The following SFXN1 variants were observed in gnomAD, a reference collection of about 807,000 sequenced individuals.
SFXN1 encodes sideroflexin-1.
Under a neutral mutation model 39.5 loss-of-function variants are expected in SFXN1, and 32 were observed. The ratio of observed to expected loss-of-function variants is 0.81; its 90% CI spans 0.61 to 1.09. The LOEUF is 1.09. Ranked by LOEUF, SFXN1 falls within the 50% of genes least tolerant of loss-of-function variation. The pLI is 0.00. For missense variants in SFXN1, 402 were observed against 407.1 expected (o/e 0.99, Z 0.11); for synonymous variants, 136 against 146.5 (o/e 0.93, Z 0.52).
At chr5:175,487,884 C>G (rs1759507815) in intron 1 of SFXN1, among the ~76,000 whole-genome samples, 4 of 152,152 alleles carry the variant, frequency 2.6e-5, no homozygotes, top group Admixed American at 1.3e-4. Flanking sequence ...TTTTCTTTCT[C>G]TCACATCCCA....
At chr5:175,500,005 A>G (rs1205697003) in intron 2 of SFXN1, among the ~76,000 whole-genome samples, 5 of 152,300 alleles carry the variant, frequency 3.3e-5, no homozygotes, top group South Asian at 4.1e-4. Flanking sequence ...CCTGGCCAAC[A>G]TGGTGAAACC....
chr5:175,529,338 C>CAA lies in SFXN1; in HGVS notation c.*2617_*2618dup, dbSNP rs1166870226. The CAA allele has an allele frequency of 1.7e-4, 20 of 117,078 alleles. No individual in the cohort carries two copies. The highest frequency in any genetic ancestry group is 3.9e-4 in the African/African-American group (13 of 33,256). The allele number at this position is 117,078 out of a possible 1,614,324, so 7.3% of individuals were successfully genotyped here. ...GGGCAACAAGAGCGAAACTCCATCT[C>CAA]AAAAAAAAAAAAAAGAGATTATAAA... On this transcript the variant is annotated 3_prime_UTR_variant, in exon 11 of 11. Transcript: ENST00000321442.
Position 175,510,107 on chromosome 5 carries a change from A to T in SFXN1, c.336-2A>T. On this transcript the variant is annotated splice_acceptor_variant, in intron 3 of 10. Transcript: ENST00000321442. LOFTEE classifies it high-confidence loss of function. ...GGTATGTGACGGATGCCTCTGTTTT[A>T]GGACTACGCCGGCTGTGCTGTTCTG... 1 of 1,609,344 alleles carries T rather than the reference A, an allele frequency of 6.2e-7. No individual in the cohort carries two copies. Among genetic ancestry groups the T allele is most frequent in the African/African-American group, 1.3e-5 (1 of 74,952 alleles).
At chr5:175,484,577 C>T (rs1383773936) in intron 1 of SFXN1, among the ~76,000 whole-genome samples, 1 of 152,254 alleles carries the variant, frequency 6.6e-6, no homozygotes, top group African/African-American at 2.4e-5. Flanking sequence ...TGGGGATCCC[C>T]ACATAGCGGC....
chr5:175,482,633 T>C (rs1759293368), intron 1 of SFXN1, among the ~76,000 whole-genome samples: 1 of 152,150 alleles, frequency 6.6e-6, no homozygotes, highest in Non-Finnish European at 1.5e-5. Context: ...CCCACTTTTG[T>C]TTGGTAACTT....
intron 4 of SFXN1, among the ~76,000 whole-genome samples, chr5:175,510,648 G>A (rs1353875518): frequency 6.6e-6 from 1 of 152,104 alleles, no homozygotes; most frequent in Non-Finnish European, 1.5e-5. Flanking sequence ...ATGGCGGTGT[G>A]AACTTTATAT....
rs529969515 is a variant in SFXN1, at chr5:175,486,126, A to G, written c.-9-5969A>G. Among the ~76,000 whole-genome samples the G allele has an allele frequency of 4.6e-5, 7 of 151,976 alleles. No individual in the cohort carries two copies. The South Asian group carries it at 1.0e-3, about 23-fold the overall frequency. ...ATCACTTGTACTTAGAGTAACCTTA[A>G]GGTTATTGTAGTATAGAACTTCATA... On this transcript the variant is annotated intron_variant, in intron 1 of 10. Transcript: ENST00000321442.
chr5:175,485,045 T>C (rs1759399518), intron 1 of SFXN1, among the ~76,000 whole-genome samples: 1 of 152,220 alleles, frequency 6.6e-6, no homozygotes, highest in Admixed American at 6.5e-5. Flanking sequence ...CGGTTAATAA[T>C]TAAAATGTTA....
intron 5 of SFXN1, 183 bp downstream of exon 5, chr5:175,511,709 C>T (rs777546893): frequency 4.9e-6 from 3 of 608,990 alleles, no homozygotes; most frequent in Non-Finnish European, 8.6e-6. Flanking sequence ...TCACCAGTAA[C>T]ACCTACCAGG....
chr5:175,509,794 A>G (rs1409402085), intron 3 of SFXN1, among the ~76,000 whole-genome samples: 1 of 152,174 alleles, frequency 6.6e-6, no homozygotes, highest in African/African-American at 2.4e-5. Context: ...TACAAATTGT[A>G]TCTTTTTTCC....
rs1160686226 is a variant in SFXN1 at position 175,522,391 on chromosome 5, C to T, written c.841C>T (p.Pro281Ser). 1.9e-6 allele frequency: 3 copies of T among 1,609,864 alleles called. No individual in the cohort carries two copies. The highest frequency in any genetic ancestry group is 2.5e-6 in the Non-Finnish European group (3 of 1,179,114). Residue 281 changes from proline (P) to serine (S), a missense_variant, in exon 10 of 11, where the codon CCC becomes TCC. Pro to Ser is a moderately conservative substitution (Grantham distance 74, BLOSUM62 -1). Coordinates refer to ENST00000321442, the MANE Select transcript of SFXN1 (RefSeq NM_022754.7). ...LVGFCLVFATPLCCALFPQKS... is the reference protein window; with the variant it reads ...LVGFCLVFATSLCCALFPQKS... Reference sequence around the variant, plus strand: ...TTTTTTAAGTTTGGTGTTTGCTACACCCCTGTGTTGTGCCCTGTTTCCTCA... The same window carrying T: ...TTTTTTAAGTTTGGTGTTTGCTACATCCCTGTGTTGTGCCCTGTTTCCTCA...
intron 7 of SFXN1, among the ~76,000 whole-genome samples, chr5:175,514,353 A>G (rs1031494947): frequency 6.6e-6 from 1 of 152,170 alleles, no homozygotes; most frequent in African/African-American, 2.4e-5. Flanking sequence ...ATGACCAAAA[A>G]TAGAAAGTCT....
intron 2 of SFXN1, among the ~76,000 whole-genome samples, chr5:175,494,613 G>A (rs1419917566): frequency 2.0e-5 from 3 of 152,012 alleles, no homozygotes; most frequent in East Asian, 1.9e-4. Context: ...TTAGCTGGGC[G>A]TGGTGGTGCA....
intron 1 of SFXN1, among the ~76,000 whole-genome samples, chr5:175,484,639 A>G (rs1458904565): frequency 6.6e-6 from 1 of 152,250 alleles, no homozygotes; most frequent in African/African-American, 2.4e-5. Context: ...TCTAGACACA[A>G]AATGGAGCCA....
At chr5:175,520,267 C>T (rs917532749) in intron 8 of SFXN1, among the ~76,000 whole-genome samples, 1 of 152,044 alleles carries the variant, frequency 6.6e-6, no homozygotes, top group African/African-American at 2.4e-5. Flanking sequence ...TATAATTACT[C>T]TCTTTAATTC....
chr5:175,509,733 T>C (rs989669898), intron 3 of SFXN1, among the ~76,000 whole-genome samples: 3 of 152,172 alleles, frequency 2.0e-5, no homozygotes, highest in African/African-American at 7.2e-5. Context: ...TGTGTAGACA[T>C]AGACATATAG....
chr5:175,518,434 T>A (rs1245673535), intron 8 of SFXN1, among the ~76,000 whole-genome samples: 1 of 152,194 alleles, frequency 6.6e-6, no homozygotes, highest in Non-Finnish European at 1.5e-5. Context: ...AGCAATATGG[T>A]AGACACTAGA....
At chr5:175,492,373 T>G in intron 2 of SFXN1, 106 bp downstream of exon 2, 3 of 1,023,358 alleles carry the variant, frequency 2.9e-6, no homozygotes, top group Non-Finnish European at 4.0e-6. Flanking sequence ...TTTTTTGCAA[T>G]GGAATTCTTT....
intron 2 of SFXN1, among the ~76,000 whole-genome samples, chr5:175,508,211 G>T (rs1267653885): frequency 2.1e-5 from 3 of 142,156 alleles, no homozygotes; most frequent in Non-Finnish European, 4.6e-5. Context: ...AATTTGAGAT[G>T]AATAGATTTG....
Sources: gnomAD v4.1 joint callset for allele counts (sites outside exome capture counted in the v4.1 genomes callset) on GRCh38, gnomAD v4.1.1 for gene constraint, MANE v1.5 for transcripts, NCBI Gene and HGNC (gene_info 2026-07-23, HGNC 2026-07-21) for gene names.